Variants in ATXN8OS observed in about 807,000 individuals in gnomAD.
ATXN8OS encodes ATXN8 opposite strand lncRNA.
At chr13:70,158,926 G>C (rs568449593) in intron 4 of ATXN8OS, among the ~76,000 whole-genome samples, 3 of 152,184 alleles carry the variant, frequency 2.0e-5, no homozygotes, top group Non-Finnish European at 4.4e-5. Flanking sequence ...AAGAGCCGAA[G>C]CCTTTAATTT....
At chr13:70,156,617 A>T (rs1320851431) in intron 4 of ATXN8OS, among the ~76,000 whole-genome samples, 1 of 151,980 alleles carries the variant, frequency 6.6e-6, no homozygotes, top group African/African-American at 2.4e-5. Context: ...CTTTTTTTTG[A>T]AAACTTGAGC....
chr13:70,150,426 A>G (rs1888851790), intron 4 of ATXN8OS, among the ~76,000 whole-genome samples: 1 of 152,128 alleles, frequency 6.6e-6, no homozygotes, highest in African/African-American at 2.4e-5. Context: ...GAAAGACTTC[A>G]TGAACTTTCC....
At chr13:70,162,557 A>C (rs1889022176) in intron 4 of ATXN8OS, among the ~76,000 whole-genome samples, 1 of 152,078 alleles carries the variant, frequency 6.6e-6, no homozygotes, top group South Asian at 2.1e-4. Context: ...GGAGGAAGAG[A>C]GAGAGTAGAT....
intron 3 of ATXN8OS, among the ~76,000 whole-genome samples, chr13:70,140,741 A>T (rs1888702993): frequency 6.6e-6 from 1 of 152,040 alleles, no homozygotes; most frequent in African/African-American, 2.4e-5. Flanking sequence ...ATGGTTTTAT[A>T]TCATTTTCCT....
chr13:70,169,802 C>T (rs1237930131), exon 5 of ATXN8OS, among the ~76,000 whole-genome samples: 2 of 152,068 alleles, frequency 1.3e-5, no homozygotes, highest in Non-Finnish European at 2.9e-5. Flanking sequence ...TGCCTACAGT[C>T]ACTGGCTGGC....
At chr13:70,125,671 G>A (rs999897827) in intron 2 of ATXN8OS, among the ~76,000 whole-genome samples, 8 of 152,124 alleles carry the variant, frequency 5.3e-5, no homozygotes, top group South Asian at 4.1e-4. Flanking sequence ...GTAGTGGTGA[G>A]TTTTCTGAAA....
intron 2 of ATXN8OS, among the ~76,000 whole-genome samples, chr13:70,119,350 A>C (rs550878660): frequency 6.6e-6 from 1 of 152,236 alleles, no homozygotes; most frequent in Admixed American, 6.6e-5. Flanking sequence ...ATAGAGAGTT[A>C]TAAAATTTTA....
At chr13:70,166,501 TA>T (rs879257029) in intron 4 of ATXN8OS, among the ~76,000 whole-genome samples, 4 of 151,882 alleles carry the variant, frequency 2.6e-5, no homozygotes, top group Non-Finnish European at 4.4e-5. Flanking sequence ...TTACACCTTA[TA>T]AAAAAATTAA....
intron 4 of ATXN8OS, among the ~76,000 whole-genome samples, chr13:70,152,438 T>A (rs1888881706): frequency 6.6e-6 from 1 of 151,964 alleles, no homozygotes; most frequent in Non-Finnish European, 1.5e-5. Context: ...TGTACATATA[T>A]GTGTATGTAT....
chr13:70,142,293 GT>G (rs749608703), intron 3 of ATXN8OS, among the ~76,000 whole-genome samples: 16 of 152,284 alleles, frequency 1.1e-4, no homozygotes, highest in Non-Finnish European at 1.8e-4. Context: ...ATAACTTGGG[GT>G]TATGAGTCCA....
At chr13:70,132,887 T>C (rs997680797) in intron 3 of ATXN8OS, among the ~76,000 whole-genome samples, 3 of 151,690 alleles carry the variant, frequency 2.0e-5, no homozygotes, top group Non-Finnish European at 4.4e-5. Context: ...CAAAGTCCAA[T>C]GTAGAGGTGT....
At chr13:70,147,776 G>A (rs1319665813) in intron 4 of ATXN8OS, among the ~76,000 whole-genome samples, 5 of 152,112 alleles carry the variant, frequency 3.3e-5, no homozygotes, top group African/African-American at 1.2e-4. Context: ...GCCTCGGGAG[G>A]TCCTGAGAAC....
chr13:70,154,672 C>G (rs949765158), intron 4 of ATXN8OS, among the ~76,000 whole-genome samples: 2 of 152,148 alleles, frequency 1.3e-5, no homozygotes, highest in African/African-American at 4.8e-5. Context: ...CTAATGTGCT[C>G]TAGAGACTCT....
At chr13:70,153,530 G>A (rs997215847) in intron 4 of ATXN8OS, among the ~76,000 whole-genome samples, 5 of 152,038 alleles carry the variant, frequency 3.3e-5, no homozygotes, top group South Asian at 4.1e-4. Flanking sequence ...AGCCAACATC[G>A]CACCATTGCA....
intron 2 of ATXN8OS, among the ~76,000 whole-genome samples, chr13:70,120,574 C>A (rs575595294): frequency 6.6e-6 from 1 of 152,262 alleles, no homozygotes; most frequent in African/African-American, 2.4e-5. Flanking sequence ...ACTATCCATA[C>A]AGAGCTTGCA....
chr13:70,139,887 T>G (rs1888685458), intron 3 of ATXN8OS, among the ~76,000 whole-genome samples: 2 of 152,186 alleles, frequency 1.3e-5, no homozygotes, highest in South Asian at 4.1e-4. Flanking sequence ...TAATCACGAT[T>G]TTTGAAAGTT....
intron 1 of ATXN8OS, among the ~76,000 whole-genome samples, chr13:70,112,920 A>ATATATATATATTTTT (rs1555298511): frequency 5.7e-5 from 5 of 87,590 alleles, no homozygotes; most frequent in South Asian, 3.8e-4. Flanking sequence ...TATATATATA[A>ATATATATATATTTTT]TTTTTTTTTT....
intron 3 of ATXN8OS, chr13:70,139,406 T>A (rs1188471631): frequency 1.3e-6 from 1 of 775,516 alleles, no homozygotes; most frequent in Non-Finnish European, 2.1e-6. Context: ...CTGCTGCTGC[T>A]GCTGCTGCTG....
chr13:70,115,500 C>A (rs1218941140), intron 2 of ATXN8OS, among the ~76,000 whole-genome samples: 1 of 151,252 alleles, frequency 6.6e-6, no homozygotes, highest in Non-Finnish European at 1.5e-5. Flanking sequence ...TGTGTAGATA[C>A]ATGGGTGGCT....
Sources: allele counts gnomAD v4.1 joint callset (sites outside exome capture counted in the v4.1 genomes callset), GRCh38; gene constraint gnomAD v4.1.1; transcripts MANE v1.5; gene names NCBI Gene and HGNC (gene_info 2026-07-23, HGNC 2026-07-21).